CHRNB4: variants seen among roughly 807,000 people sequenced by gnomAD.
CHRNB4 encodes cholinergic receptor nicotinic beta 4 subunit, also known as neuronal acetylcholine receptor subunit beta-4.
Under a neutral mutation model 40.4 loss-of-function variants are expected in CHRNB4, and 23 were observed. The ratio of observed to expected loss-of-function variants is 0.57; its 90% CI spans 0.41 to 0.81. The LOEUF (loss-of-function observed/expected upper bound fraction) is 0.81, where lower values mean the gene tolerates loss of function less well. Among genes scored for constraint, CHRNB4 ranks in the 30% least tolerant of loss-of-function variants. CHRNB4 has a pLI of 0.00. For missense variants in CHRNB4, 568 were observed against 670.6 expected, an observed-to-expected ratio of 0.85 and a Z score of 1.69; for synonymous variants, 285 against 274.4, an observed-to-expected ratio of 1.04 and a Z score of -0.38.
Position 78,629,578 on chromosome 15 carries a change from A to C in CHRNB4, c.727T>G (p.Cys243Gly). The C allele has an allele frequency of 6.2e-7, 1 of 1,614,104 alleles. No individual in the cohort carries two copies. Among genetic ancestry groups the C allele is most frequent in the Non-Finnish European group, 8.5e-7 (1 of 1,180,008 alleles). The change falls in exon 5 of 6, where the codon TGC becomes GGC. Residue 243 changes from cysteine (C) to glycine (G), a missense_variant. Around this residue, in one of 4 missense-constraint regions of CHRNB4, gnomAD observed 38 missense variants for 80.3 expected, o/e 0.47. Coordinates refer to ENST00000261751, the MANE Select transcript of CHRNB4 (RefSeq NM_000750.5). The surrounding 1 kb of genome is among the most constrained non-coding windows in gnomAD (Gnocchi z 6.8). ...LFYTINLIIP[C>G]VLTTLLAILV... Reference sequence around the variant, plus strand: ...ATGGCCAGCAAGGTGGTGAGCACGCAGGGGATGATGAGGTTGATGGTGTAG... The same window carrying C: ...ATGGCCAGCAAGGTGGTGAGCACGCCGGGGATGATGAGGTTGATGGTGTAG...
At chr15:78,660,984 T>C (rs2054247622), upstream of CHRNB4, 2 of 472,504 alleles carry the variant, frequency 4.2e-6, no homozygotes, top group East Asian at 9.6e-5. Flanking sequence ...CATTTCTTTC[T>C]TTCCTCTCTT....
At position 78,635,439 on chromosome 15, in the gene CHRNB4, C is replaced by G; in HGVS notation, c.204G>C (p.Val68=). The stretch of plus-strand genomic sequence containing the variant: ...AGCCACAGCTGCCCTCTGCACCTAC[C>G]ACGCTGATAAGCTGGGCCAGGGAGA... ...LQLSLAQLIS[V]NEREQIMTTN... is the part of the protein sequence containing the mutation. The change falls in exon 2 of 6, where the codon GTG becomes GTC. Residue 68 remains valine, a splice_region_variant and synonymous_variant. Transcript: ENST00000261751. The G allele has an allele frequency of 6.2e-7, 1 of 1,613,654 alleles. No homozygotes were observed. Among genetic ancestry groups the G allele is most frequent in the Non-Finnish European group, 8.5e-7 (1 of 1,179,916 alleles).
upstream of CHRNB4, among the ~76,000 whole-genome samples, chr15:78,642,197 T>C (rs746353713): frequency 6.6e-6 from 1 of 152,240 alleles, no homozygotes; most frequent in Non-Finnish European, 1.5e-5. Flanking sequence ...TGTTGACATA[T>C]GGTCTTTAAA....
upstream of CHRNB4, among the ~76,000 whole-genome samples, chr15:78,643,385 G>A (rs1276735819): frequency 6.6e-6 from 1 of 151,756 alleles, no homozygotes; most frequent in Non-Finnish European, 1.5e-5. Context: ...AAAGTGCTGG[G>A]ATTACAGGCA....
chr15:78,646,981 C>A (rs11072772), intron 7 of CHRNB4, among the ~76,000 whole-genome samples: 7,915 of 151,858 alleles, frequency 0.052, 670 homozygotes, highest in African/African-American at 0.18. Flanking sequence ...TCTCCTCTCT[C>A]TATATAAAAA....
intron 1 of CHRNB4, among the ~76,000 whole-genome samples, chr15:78,638,732 C>T (rs2054009138): frequency 1.3e-5 from 2 of 152,242 alleles, no homozygotes; most frequent in South Asian, 4.1e-4. Flanking sequence ...CCAGCCCAGC[C>T]CAGCACATGC....
At position 78,650,743 on chromosome 15, in the gene CHRNB4, A is replaced by G. The variant is rs74734427; in HGVS notation, c.-15-1304T>C. Among the ~76,000 whole-genome samples the G allele has an allele frequency of 0.011, 1,660 of 152,296 alleles. 217 individuals are homozygous for G. The East Asian group carries it at 0.29, about 26-fold the overall frequency. Reference sequence around the variant, plus strand: ...TGTACAGCAAGTCAATCACTGTGACACAGGTCCTGATTTATGCACAAGGCC... The same window carrying G: ...TGTACAGCAAGTCAATCACTGTGACGCAGGTCCTGATTTATGCACAAGGCC... On this transcript the variant is annotated intron_variant and NMD_transcript_variant, in intron 6 of 11. Coordinates refer to the CHRNB4 transcript ENST00000559849.
At chr15:78,647,127 G>A (rs1031855767) in intron 7 of CHRNB4, among the ~76,000 whole-genome samples, 3 of 152,134 alleles carry the variant, frequency 2.0e-5, no homozygotes, top group African/African-American at 7.2e-5. Flanking sequence ...GCAACAAAGT[G>A]GGACTGTCTC....
rs2053613521 is a variant in CHRNB4 at position 78,624,866 on chromosome 15, A to G, written c.*267T>C. On this transcript the variant is annotated 3_prime_UTR_variant, in exon 6 of 6. Transcript: ENST00000261751. ...CTGCTACGAAGTCATCTTTATCCCC[A>G]TTGCCCGGTGCAGGGAAGGAAGACA... 8.3e-7 allele frequency: 1 copy of G among 1,202,822 alleles called. No homozygotes were observed. The highest frequency in any genetic ancestry group is 1.6e-5 in the South Asian group (1 of 61,294). 74.5% of individuals were successfully genotyped at this position (1,202,822 alleles called of 1,614,324 possible). A position where few individuals can be genotyped will look rare whatever the true frequency, so the allele number is the denominator to read the frequency against.
intron 5 of CHRNB4, among the ~76,000 whole-genome samples, chr15:78,628,493 G>A (rs1036818735): frequency 6.6e-6 from 1 of 152,220 alleles, no homozygotes; most frequent in African/African-American, 2.4e-5. Context: ...GAGAGTTAAA[G>A]TCCTGGGGCT....
upstream of CHRNB4, chr15:78,660,762 C>T: frequency 5.0e-6 from 1 of 201,396 alleles, no homozygotes; most frequent in Non-Finnish European, 1.0e-5. Flanking sequence ...TTCAGCTTTG[C>T]CCTGGCCTGG....
At chr15:78,640,786 A>G (rs1038082952) in intron 1 of CHRNB4, among the ~76,000 whole-genome samples, 1 of 152,204 alleles carries the variant, frequency 6.6e-6, no homozygotes, top group Non-Finnish European at 1.5e-5. Flanking sequence ...AGCCGGTGTC[A>G]TCCAGCCCAC....
At chr15:78,661,335 G>C, upstream of CHRNB4, 1 of 570,742 alleles carries the variant, frequency 1.8e-6, no homozygotes. Flanking sequence ...AGAACCTCCT[G>C]AACCCGCACA....
At chr15:78,638,106 G>T (rs948703982) in intron 1 of CHRNB4, among the ~76,000 whole-genome samples, 1 of 152,342 alleles carries the variant, frequency 6.6e-6, no homozygotes, top group South Asian at 2.1e-4. Flanking sequence ...CCATCCCCCA[G>T]CCCTGCAATA....
intron 2 of CHRNB4, among the ~76,000 whole-genome samples, chr15:78,657,884 ACT>A (rs1354444052): frequency 1.3e-5 from 2 of 151,540 alleles, no homozygotes; most frequent in Non-Finnish European, 2.9e-5. Context: ...GTTCCATCAG[ACT>A]CTGTATCAGA....
intron 6 of CHRNB4, among the ~76,000 whole-genome samples, chr15:78,650,451 C>T (rs990764851): frequency 1.3e-5 from 2 of 152,164 alleles, no homozygotes; most frequent in Non-Finnish European, 2.9e-5. Context: ...ATGCCTTGGG[C>T]TCCAGACTCT....
rs2053927478 is a variant in CHRNB4, at chr15:78,635,445, G to A, written c.198C>T (p.Ile66=). The change falls in exon 2 of 6, where the codon ATC becomes ATT. Residue 66 remains isoleucine (I), a synonymous_variant. Transcript: ENST00000261751. The stretch of plus-strand genomic sequence containing the variant: ...AGCTGCCCTCTGCACCTACCACGCT[G>A]ATAAGCTGGGCCAGGGAGAGCTGCA... The part of the protein sequence containing the change: ...IKLQLSLAQL[I]SVNEREQIMT... 6.2e-7 allele frequency: 1 copy of A among 1,613,852 alleles called. No homozygotes were observed. Among genetic ancestry groups the A allele is most frequent in the Non-Finnish European group, 8.5e-7 (1 of 1,179,960 alleles).
intron 5 of CHRNB4, among the ~76,000 whole-genome samples, chr15:78,654,555 T>C (rs1252124390): frequency 2.0e-5 from 3 of 152,138 alleles, no homozygotes; most frequent in African/African-American, 4.8e-5. Flanking sequence ...GTGCCTCATG[T>C]TTTTCATCTG....
Position 78,631,080 on chromosome 15 carries a change from T to C in CHRNB4, c.355A>G (p.Asn119Asp), listed in dbSNP as rs1428734912. 2 of 1,613,872 alleles carry C rather than the reference T, an allele frequency of 1.2e-6. No individual in the cohort carries two copies. Residue 119 changes from asparagine (N) to aspartate (D), a missense_variant, in exon 4 of 6, where the codon AAC (asparagine) becomes GAC (aspartate). Transcript: ENST00000261751. ...RIWLPDIVLY[N>D]NADGTYEVSV... ...TCCACCAACCCTGCCACTCACTTGTTGTAAAGCACGATGTCAGGCAACCAG... is the reference window on the plus strand; with the variant it reads ...TCCACCAACCCTGCCACTCACTTGTCGTAAAGCACGATGTCAGGCAACCAG...
Sources: allele counts gnomAD v4.1 joint callset (sites outside exome capture counted in the v4.1 genomes callset), GRCh38; gene constraint gnomAD v4.1.1; regional missense constraint gnomAD v4.1.1; non-coding constraint Gnocchi (gnomAD v3.1); transcripts MANE v1.5; gene names NCBI Gene and HGNC (gene_info 2026-07-23, HGNC 2026-07-21).